EXOC6B: variants seen among roughly 807,000 people sequenced by gnomAD.
The protein encoded by EXOC6B is SEC15 homolog B.
Under a neutral mutation model 113.5 loss-of-function variants are expected in EXOC6B, and 54 were observed. The ratio of observed to expected loss-of-function variants is 0.48; its 90% CI spans 0.38 to 0.60. EXOC6B has a LOEUF of 0.60. EXOC6B is among the 20% of genes least tolerant of loss of function. The pLI, the probability that EXOC6B is intolerant of heterozygous loss-of-function variation, is 0.00. For missense variants in EXOC6B, 797 were observed against 977.5 expected, an observed-to-expected ratio of 0.82 and a Z score of 2.46; for synonymous variants, 357 against 339.0, an observed-to-expected ratio of 1.05 and a Z score of -0.58.
intron 6 of EXOC6B, among the ~76,000 whole-genome samples, chr2:72,583,938 A>T (rs1026335692): frequency 6.6e-6 from 1 of 151,806 alleles, no homozygotes; most frequent in African/African-American, 2.4e-5. Context: ...GCCAGGCTGG[A>T]CTCAAACTCC....
chr2:72,571,893 G>A (rs1358792906), intron 7 of EXOC6B, among the ~76,000 whole-genome samples: 3 of 151,770 alleles, frequency 2.0e-5, no homozygotes, highest in Non-Finnish European at 4.4e-5. Context: ...GCATCATTAA[G>A]CTAAAGACAC....
intron 1 of EXOC6B, among the ~76,000 whole-genome samples, chr2:72,808,023 A>G (rs1287154224): frequency 1.3e-5 from 2 of 152,184 alleles, no homozygotes; most frequent in African/African-American, 4.8e-5. Flanking sequence ...CCATGATGTG[A>G]TTATTACACA....
chr2:72,681,612 G>A (rs1676708840), intron 6 of EXOC6B, among the ~76,000 whole-genome samples: 2 of 152,002 alleles, frequency 1.3e-5, no homozygotes. Flanking sequence ...AATCTATTGG[G>A]TAACAGATGA....
chr2:72,572,045 A>C (rs1321151606), intron 7 of EXOC6B, among the ~76,000 whole-genome samples: 1 of 152,218 alleles, frequency 6.6e-6, no homozygotes, highest in Admixed American at 6.5e-5. Flanking sequence ...ATTTTATTTA[A>C]AATGCTGGTA....
intron 20 of EXOC6B, among the ~76,000 whole-genome samples, chr2:72,190,992 C>T (rs886868108): frequency 6.6e-6 from 1 of 152,124 alleles, no homozygotes; most frequent in Non-Finnish European, 1.5e-5. Context: ...ATTAATGATG[C>T]TTTGATTTCA....
intron 20 of EXOC6B, among the ~76,000 whole-genome samples, chr2:72,256,740 T>C (rs114709790): frequency 6.6e-6 from 1 of 152,186 alleles, no homozygotes; most frequent in African/African-American, 2.4e-5. Flanking sequence ...AATCTATCTA[T>C]TTTTACAAAG....
intron 20 of EXOC6B, among the ~76,000 whole-genome samples, chr2:72,203,087 C>T (rs964629519): frequency 1.3e-5 from 2 of 152,196 alleles, no homozygotes; most frequent in African/African-American, 4.8e-5. Flanking sequence ...CTGGCACAAA[C>T]GTTCAGCAAA....
intron 6 of EXOC6B, among the ~76,000 whole-genome samples, chr2:72,620,179 C>T (rs1558851529): frequency 6.6e-6 from 1 of 152,284 alleles, no homozygotes; most frequent in East Asian, 1.9e-4. Context: ...GCAGCCCAGG[C>T]TGAGTGTGTT....
At chr2:72,402,169 C>T (rs1016469493) in intron 18 of EXOC6B, among the ~76,000 whole-genome samples, 1 of 152,022 alleles carries the variant, frequency 6.6e-6, no homozygotes, top group Non-Finnish European at 1.5e-5. Flanking sequence ...TACAAAATCT[C>T]TCCCTTCTCT....
At chr2:72,278,107 T>C (rs1379393888) in intron 20 of EXOC6B, among the ~76,000 whole-genome samples, 1 of 152,178 alleles carries the variant, frequency 6.6e-6, no homozygotes, top group East Asian at 1.9e-4. Context: ...AAAAATACAC[T>C]ATCTGCTTCA....
At chr2:72,817,258 G>A (rs991593707) in intron 1 of EXOC6B, among the ~76,000 whole-genome samples, 1 of 152,078 alleles carries the variant, frequency 6.6e-6, no homozygotes, top group African/African-American at 2.4e-5. Flanking sequence ...GGAATGACAG[G>A]CTTTTTAAAA....
chr2:72,616,940 T>C (rs1671418243), intron 6 of EXOC6B, among the ~76,000 whole-genome samples: 1 of 152,126 alleles, frequency 6.6e-6, no homozygotes, highest in Non-Finnish European at 1.5e-5. Context: ...TATGAGCCCA[T>C]AAAATCAAAA....
chr2:72,771,110 CAA>C lies in EXOC6B; in HGVS notation c.114-29643_114-29642del, dbSNP rs571880766. On this transcript the variant is annotated intron_variant, in intron 1 of 21. Coordinates refer to ENST00000272427, the MANE Select transcript of EXOC6B (RefSeq NM_015189.3). ...ATCCTCTGAAAAGTGGTGACAACTACAAAGTTATTACATAACCAGAAGTGTCT... is the reference window on the plus strand; with the variant it reads ...ATCCTCTGAAAAGTGGTGACAACTACAGTTATTACATAACCAGAAGTGTCT... Among the ~76,000 whole-genome samples the C allele has an allele frequency of 1.2e-3, 189 of 152,276 alleles. 1 individual carries two copies. Among genetic ancestry groups the C allele is most frequent in the Admixed American group, 6.1e-3 (94 of 15,290 alleles).
chr2:72,638,454 A>G (rs1312996451), intron 6 of EXOC6B, among the ~76,000 whole-genome samples: 1 of 152,134 alleles, frequency 6.6e-6, no homozygotes, highest in Non-Finnish European at 1.5e-5. Context: ...GTATAATCCA[A>G]ACAGATCTTC....
intron 6 of EXOC6B, among the ~76,000 whole-genome samples, chr2:72,609,190 A>T (rs1452042552): frequency 6.6e-6 from 1 of 152,186 alleles, no homozygotes; most frequent in Non-Finnish European, 1.5e-5. Flanking sequence ...ATCAAAAATT[A>T]TGAGACATGG....
intron 6 of EXOC6B, among the ~76,000 whole-genome samples, chr2:72,601,650 T>C (rs763612740): frequency 1.3e-5 from 2 of 152,072 alleles, no homozygotes; most frequent in African/African-American, 2.4e-5. Context: ...TACCATATGA[T>C]CCACCAATCA....
chr2:72,572,300 G>C (rs942799580), intron 7 of EXOC6B, among the ~76,000 whole-genome samples: 1 of 152,104 alleles, frequency 6.6e-6, no homozygotes, highest in Non-Finnish European at 1.5e-5. Context: ...TGCAGACTCA[G>C]ACTCATTCTC....
intron 19 of EXOC6B, among the ~76,000 whole-genome samples, chr2:72,346,577 A>G (rs1213382901): frequency 6.6e-6 from 1 of 152,186 alleles, no homozygotes; most frequent in African/African-American, 2.4e-5. Flanking sequence ...AAAAAAACGA[A>G]GACGATTATC....
chr2:72,657,562 C>CCTTTT (rs1674678141), intron 6 of EXOC6B, among the ~76,000 whole-genome samples: 6 of 41,930 alleles, frequency 1.4e-4, no homozygotes, highest in African/African-American at 6.9e-4. Flanking sequence ...TTCCTCTTTC[C>CCTTTT]TTTTCTTTTT....
Sources: allele counts gnomAD v4.1 joint callset (sites outside exome capture counted in the v4.1 genomes callset), GRCh38; gene constraint gnomAD v4.1.1; transcripts MANE v1.5; gene names NCBI Gene and HGNC (gene_info 2026-07-23, HGNC 2026-07-21).